PEAK3: variants seen among roughly 807,000 people sequenced by gnomAD.
The protein encoded by PEAK3 is protein PEAK3.
PEAK3 carries 15 observed loss-of-function variants against 13.3 expected under a neutral mutation model. The ratio of observed to expected loss-of-function variants is 1.13; its 90% confidence interval spans 0.75 to 1.73. The LOEUF (loss-of-function observed/expected upper bound fraction) is 1.73. PEAK3 is among the 40% of genes most tolerant of loss of function. PEAK3 has a pLI of 0.00. For synonymous variants in PEAK3, 347 were observed against 341.9 expected (o/e 1.01, Z -0.17); for missense variants, 739 against 690.2 (o/e 1.07, Z -0.79).
At chr19:2,281,851 A>AC (rs1390085789) in intron 1 of PEAK3, among the ~76,000 whole-genome samples, 1 of 151,758 alleles carries the variant, frequency 6.6e-6, no homozygotes, top group East Asian at 1.9e-4. Context: ...AGTGGGAAGG[A>AC]CCCCCCTCTG....
rs1358892393 is a variant in PEAK3, at chr19:2,276,214, C to T, written c.888G>A (p.Glu296=). 5.7e-6 allele frequency: 9 copies of T among 1,572,090 alleles called. No homozygotes were observed. Among genetic ancestry groups the T allele is most frequent in the Non-Finnish European group, 7.7e-6 (9 of 1,163,568 alleles). The change falls in exon 4 of 4, where the codon GAG becomes GAA. Residue 296 remains glutamate, a synonymous_variant. Transcript: ENST00000342063. ...LQLSAALKFL[E]AWGAALVELR... is the part of the protein sequence containing the mutation. ...ACTCGACTAGGGCCGCGCCCCACGC[C>T]TCCAGGAACTTCAGGGCCGCGCTCA...
At chr19:2,281,668 C>T (rs2025439695) in intron 1 of PEAK3, among the ~76,000 whole-genome samples, 1 of 146,134 alleles carries the variant, frequency 6.8e-6, no homozygotes, top group Non-Finnish European at 1.5e-5. Context: ...TGGGGCCCTG[C>T]TGTGTGATCC....
rs1209534616 is a variant in PEAK3 at position 2,276,421 on chromosome 19, G to C, written c.681C>G (p.His227Gln). The stretch of plus-strand genomic sequence containing the variant: ...GGCCACACAGCCCCTGCAGATTGAA[G>C]TGTGGAGACAGGGAGGCCTGCAGCT... ...GLELQASLSPHFNLQGLCGLV... is the reference protein window; with the variant it reads ...GLELQASLSPQFNLQGLCGLV... Residue 227 changes from histidine to glutamine, a missense_variant, in exon 4 of 4, where the codon CAC becomes CAG. Transcript: ENST00000342063. 6.9e-6 allele frequency: 11 copies of C among 1,594,212 alleles called. No individual in the cohort carries two copies. The Admixed American group carries it at 8.4e-5, about 12-fold the overall frequency.
At position 2,274,986 on chromosome 19, in the gene PEAK3, G is replaced by GAGGCAT; in HGVS notation, c.*693_*694insATGCCT. 6.7e-6 allele frequency: 1 copy of GAGGCAT among 150,346 alleles called. No homozygotes were observed. 9.3% of individuals were successfully genotyped at this position (150,346 alleles called of 1,614,324 possible). On this transcript the variant is annotated 3_prime_UTR_variant, in exon 4 of 4. Transcript: ENST00000342063. ...AAAGTGGAACTGGAACAGTATGGCA[G>GAGGCAT]AGGGAACAGCCTACACAAATGCTTG...
intron 3 of PEAK3, 127 bp downstream of exon 3, chr19:2,278,457 G>T: frequency 1.7e-6 from 2 of 1,143,814 alleles, no homozygotes; most frequent in Non-Finnish European, 2.3e-6. Flanking sequence ...CACCGCGCCC[G>T]GCTCCAGTAT....
Position 2,275,630 on chromosome 19 carries a change from C to T in PEAK3, c.*50G>A. ...ATGGAGACGCTGACCTCAGCCCCAG[C>T]CCTGCCTCCTGGGCAGGCCTGGACC... On this transcript the variant is annotated 3_prime_UTR_variant, in exon 4 of 4. Transcript: ENST00000342063. The T allele has an allele frequency of 7.4e-7, 1 of 1,351,568 alleles. No individual in the cohort carries two copies. The highest frequency in any genetic ancestry group is 2.2e-4 in the Middle Eastern group (1 of 4,566). The allele number at this position is 1,351,568 out of a possible 1,614,324, so 83.7% of individuals were successfully genotyped here.
Position 2,276,254 on chromosome 19 carries a change from A to G in PEAK3, c.848T>C (p.Leu283Pro), listed in dbSNP as rs1179106002. 6.3e-7 allele frequency: 1 copy of G among 1,591,078 alleles called. No homozygotes were observed. Among genetic ancestry groups the G allele is most frequent in the Admixed American group, 1.7e-5 (1 of 58,910 alleles). ...GGCCGCGCTCAGCTGCAGCAGCAGC[A>G]GGGCCACAGCCCACACGAACTCCTC... ...PPEEFVWAVA[L>P]LLLQLSAALK... is the part of the protein sequence containing the mutation. Residue 283 changes from leucine to proline, a missense_variant, in exon 4 of 4, where the codon CTG becomes CCG. Transcript: ENST00000342063.
At position 2,275,479 on chromosome 19, in the gene PEAK3, G is replaced by GCA; in HGVS notation, c.*200_*201insTG. 2.3e-6 allele frequency: 1 copy of GCA among 433,328 alleles called. No homozygotes were observed. Among genetic ancestry groups the GCA allele is most frequent in the South Asian group, 8.9e-5 (1 of 11,206 alleles). 26.8% of individuals were successfully genotyped at this position (433,328 alleles called of 1,614,324 possible). A position where few individuals can be genotyped will look rare whatever the true frequency, so the allele number is the denominator to read the frequency against. ...GCGCTGGCCAGCCCCCAGCCCTGGA[G>GCA]GGGCAGCTGCATTCCTGGGAAGCCC... is the stretch of plus-strand genomic sequence containing the variant. On this transcript the variant is annotated 3_prime_UTR_variant, in exon 4 of 4. Transcript: ENST00000342063.
Position 2,275,503 on chromosome 19 carries a change from C to G in PEAK3, c.*177G>C, listed in dbSNP as rs1599156724. 1 of 525,632 alleles carries G rather than the reference C, an allele frequency of 1.9e-6. No homozygotes were observed. The highest frequency in any genetic ancestry group is 2.0e-5 in the African/African-American group (1 of 50,468). 32.6% of individuals were successfully genotyped at this position (525,632 alleles called of 1,614,324 possible). On this transcript the variant is annotated 3_prime_UTR_variant, in exon 4 of 4. Transcript: ENST00000342063. ...AGGGGCAGCTGCATTCCTGGGAAGC[C>G]CTTGACCCACATCCCCAGCACGGGA... is the stretch of plus-strand genomic sequence containing the variant.
At chr19:2,281,054 C>A in intron 1 of PEAK3, 119 bp from the exon 2 acceptor site, 1 of 616,144 alleles carries the variant, frequency 1.6e-6, no homozygotes, top group Non-Finnish European at 2.8e-6. Flanking sequence ...GCTCCAGGGC[C>A]CTTGGTGAGA....
chr19:2,277,269 G>A (rs763065581), intron 3 of PEAK3, among the ~76,000 whole-genome samples: 16 of 152,118 alleles, frequency 1.1e-4, no homozygotes, highest in Non-Finnish European at 2.2e-4. Flanking sequence ...TCTTGGGGGT[G>A]GTTTATCATG....
chr19:2,279,022 G>C lies in PEAK3; in HGVS notation c.174C>G (p.Pro58=). ...TCCGGGTTAGGATCTTCTTGGGCAGGGGTGGGGGCAGGGGCTCTGGGTTGG... is the reference window on the plus strand; with the variant it reads ...TCCGGGTTAGGATCTTCTTGGGCAGCGGTGGGGGCAGGGGCTCTGGGTTGG... ...LSTNPEPLPP[P]LPKKILTRTQ... The change falls in exon 3 of 4, where the codon CCC becomes CCG. Residue 58 remains proline (P), a synonymous_variant. Transcript: ENST00000342063. 1 of 1,546,406 alleles carries C rather than the reference G, an allele frequency of 6.5e-7. No homozygotes were observed. The highest frequency in any genetic ancestry group is 1.9e-5 in the Admixed American group (1 of 52,246).
intron 2 of PEAK3, among the ~76,000 whole-genome samples, chr19:2,279,548 C>T (rs1050164096): frequency 1.8e-4 from 28 of 151,782 alleles, no homozygotes; most frequent in African/African-American, 6.3e-4. Flanking sequence ...CCCAGCTACT[C>T]GGGAGGCTGA....
chr19:2,276,622 C>T lies in PEAK3; in HGVS notation c.613-133G>A, dbSNP rs149438826. 180 of 693,208 alleles carry T rather than the reference C, an allele frequency of 2.6e-4. 1 individual carries two copies. The East Asian group carries it at 5.3e-3, about 21-fold the overall frequency. The allele number at this position is 693,208 out of a possible 1,614,324, so 42.9% of individuals were successfully genotyped here. On this transcript the variant is annotated intron_variant, in intron 3 of 3. Transcript: ENST00000342063. Reference sequence around the variant, plus strand: ...CCCCACTACGGCTAGGGGCTGCCTGCATCCCTCCAGCAGCAGGAGGTCAGT... The same window carrying T: ...CCCCACTACGGCTAGGGGCTGCCTGTATCCCTCCAGCAGCAGGAGGTCAGT...
intron 3 of PEAK3, among the ~76,000 whole-genome samples, chr19:2,277,867 C>CTT (rs79647727): frequency 4.1e-5 from 5 of 121,416 alleles, no homozygotes; most frequent in African/African-American, 9.4e-5. Flanking sequence ...GCTGCCCAGC[C>CTT]TTTTTTTTTT....
rs201167235 is a variant in PEAK3 at position 2,278,841 on chromosome 19, C to A, written c.355G>T (p.Ala119Ser). Residue 119 changes from alanine (A) to serine (S), a missense_variant, in exon 3 of 4, where the codon GCC becomes TCC. Transcript: ENST00000342063. ...PAELTFGPAD[A>S]PLGLSLRDLH... Reference sequence around the variant, plus strand: ...TCGCGGAGGGAGAGGCCCAGTGGGGCGTCAGCCGGGCCAAAGGTCAGCTCT... The same window carrying A: ...TCGCGGAGGGAGAGGCCCAGTGGGGAGTCAGCCGGGCCAAAGGTCAGCTCT... 6.9e-6 allele frequency: 11 copies of A among 1,596,820 alleles called. No individual in the cohort carries two copies. The highest frequency in any genetic ancestry group is 1.3e-5 in the African/African-American group (1 of 74,628).
In PEAK3 at chr19:2,280,859, T is replaced by C. The variant is rs1449684425; in HGVS notation, c.73A>G (p.Ser25Gly). The C allele has an allele frequency of 1.9e-6, 3 of 1,607,288 alleles. No individual in the cohort carries two copies. Among genetic ancestry groups the C allele is most frequent in the Admixed American group, 3.4e-5 (2 of 59,506 alleles). Residue 25 changes from serine to glycine, a missense_variant, in exon 2 of 4, where the codon AGC becomes GGC. Ser to Gly is a moderately conservative substitution (Grantham distance 56). Coordinates refer to ENST00000342063, the MANE Select transcript of PEAK3 (RefSeq NM_198532.3). ...CTGGGGAGCTGCTTACCAAGGTTGC[T>C]ATACGTGGGCTGAGTCGACCAGGTG... ...NPTWSTQPTY[S>G]NLGQIRAHLL...
chr19:2,275,778 C>T lies in PEAK3; in HGVS notation c.1324G>A (p.Gly442Arg). The T allele has an allele frequency of 1.3e-6, 2 of 1,577,636 alleles. No homozygotes were observed. The highest frequency in any genetic ancestry group is 1.7e-4 in the Middle Eastern group (1 of 5,914). The change falls in exon 4 of 4, where the codon GGG (glycine) becomes AGG (arginine). Residue 442 changes from glycine to arginine, a missense_variant. By Grantham distance (125) the Gly-to-Arg change is moderately radical. Coordinates refer to ENST00000342063, the MANE Select transcript of PEAK3 (RefSeq NM_198532.3). ...VLRLAERAAGGEAPSLEDWLC... is the reference protein window; with the variant it reads ...VLRLAERAAGREAPSLEDWLC... ...CAGTCCTCGAGGCTGGGAGCTTCCCCACCTGCGGCCCGCTCTGCTAGGCGC... is the reference window on the plus strand; with the variant it reads ...CAGTCCTCGAGGCTGGGAGCTTCCCTACCTGCGGCCCGCTCTGCTAGGCGC...
Position 2,275,940 on chromosome 19 carries a change from C to T in PEAK3, c.1162G>A (p.Ala388Thr). Residue 388 changes from alanine to threonine, a missense_variant, in exon 4 of 4, where the codon GCG (alanine) becomes ACG (threonine). By Grantham distance (58) the Ala-to-Thr change is moderately conservative. Coordinates refer to ENST00000342063, the MANE Select transcript of PEAK3 (RefSeq NM_198532.3). ...TGCAGCGCGCCCCGCGTCCGGGACG[C>T]CGAGGGCCGCAAGCGGGTCAGCTGT... ...AAQLTRLRPS[A>T]SRTRGALQAL... 7.2e-7 allele frequency: 1 copy of T among 1,388,076 alleles called. No homozygotes were observed. Among genetic ancestry groups the T allele is most frequent in the Non-Finnish European group, 9.3e-7 (1 of 1,078,962 alleles). 86.0% of individuals were successfully genotyped at this position (1,388,076 alleles called of 1,614,324 possible).
Sources: allele counts gnomAD v4.1 joint callset (sites outside exome capture counted in the v4.1 genomes callset), GRCh38; gene constraint gnomAD v4.1.1; transcripts MANE v1.5; gene names NCBI Gene and HGNC (gene_info 2026-07-23, HGNC 2026-07-21).